CDK14: variants seen among roughly 807,000 people sequenced by gnomAD.
CDK14 encodes the protein cyclin-dependent kinase 14.
In CDK14, 34 loss-of-function variants were observed where a neutral mutation model predicts 60.7. The ratio of observed to expected loss-of-function variants is 0.56; its 90% CI spans 0.43 to 0.75. The LOEUF is 0.75. Ranked by LOEUF, CDK14 falls within the 30% of genes least tolerant of loss-of-function variation. The pLI, the probability that CDK14 is intolerant of heterozygous loss-of-function variation, is 0.00. For synonymous variants in CDK14, 197 were observed against 203.7 expected (o/e 0.97, Z 0.28); for missense variants, 482 against 564.1 (o/e 0.85, Z 1.47).
chr7:90,753,031 A>C (rs1345645409), intron 4 of CDK14, among the ~76,000 whole-genome samples: 1 of 152,198 alleles, frequency 6.6e-6, no homozygotes, highest in African/African-American at 2.4e-5. Context: ...GCCCAGGACT[A>C]GATTGTCTCA....
intron 11 of CDK14, among the ~76,000 whole-genome samples, chr7:91,047,843 C>A (rs1562881992): frequency 6.6e-6 from 1 of 152,132 alleles, no homozygotes; most frequent in African/African-American, 2.4e-5. Context: ...AAACAAATTT[C>A]CAAGTCCTTC....
At chr7:90,645,015 T>G (rs1040736890) in intron 2 of CDK14, among the ~76,000 whole-genome samples, 1 of 152,144 alleles carries the variant, frequency 6.6e-6, no homozygotes, top group Non-Finnish European at 1.5e-5. Context: ...TCTATAAAAG[T>G]AAGCTTTTTT....
At chr7:90,758,475 T>C (rs1157991649) in intron 4 of CDK14, among the ~76,000 whole-genome samples, 2 of 152,232 alleles carry the variant, frequency 1.3e-5, no homozygotes, top group African/African-American at 4.8e-5. Flanking sequence ...CATTTTAAAA[T>C]GTCTTTAATT....
At position 90,644,906 on chromosome 7, in the gene CDK14, G is replaced by A. The variant is rs115372218; in HGVS notation, c.123+40657G>A. Among the ~76,000 whole-genome samples the A allele has an allele frequency of 8.5e-3, 1,296 of 152,260 alleles. 24 individuals are homozygous for A. The highest frequency in any genetic ancestry group is 0.027 in the African/African-American group (1,133 of 41,546). On this transcript the variant is annotated intron_variant, in intron 2 of 14. Transcript: ENST00000380050. ...ATATGTTACTTCAAGAAATTCAGTCGAATTTAGCTTTTCTTTTTGCATAAA... is the reference window on the plus strand; with the variant it reads ...ATATGTTACTTCAAGAAATTCAGTCAAATTTAGCTTTTCTTTTTGCATAAA...
intron 11 of CDK14, among the ~76,000 whole-genome samples, chr7:91,067,742 C>T (rs1781433355): frequency 6.6e-6 from 1 of 152,192 alleles, no homozygotes; most frequent in South Asian, 2.1e-4. Context: ...CTTTTGTGCA[C>T]AGCTAAAATT....
At chr7:90,988,434 A>C (rs1001255102) in intron 10 of CDK14, among the ~76,000 whole-genome samples, 3 of 152,164 alleles carry the variant, frequency 2.0e-5, no homozygotes, top group Non-Finnish European at 4.4e-5. Context: ...TCTTAGGTGG[A>C]AAGAGTATTT....
intron 10 of CDK14, among the ~76,000 whole-genome samples, chr7:90,991,093 G>C (rs1439291347): frequency 6.6e-6 from 1 of 152,130 alleles, no homozygotes; most frequent in South Asian, 2.1e-4. Flanking sequence ...TAACTTAAAA[G>C]CTTCAAATTT....
At position 90,800,369 on chromosome 7, in the gene CDK14, G is replaced by A. The variant is rs141889728; in HGVS notation, c.544+9717G>A. On this transcript the variant is annotated intron_variant, in intron 5 of 14. Coordinates refer to ENST00000380050, the MANE Select transcript of CDK14 (RefSeq NM_001287135.2). ...ATTTTATGATTTAATTGTAAAATTT[G>A]TACTGTATAATTAAAATATTCTAAT... 1.9e-4 allele frequency among the ~76,000 whole-genome samples: 29 copies of A among 152,104 alleles called. No individual in the cohort carries two copies. The East Asian group carries it at 5.2e-3, about 27-fold the overall frequency.
intron 11 of CDK14, among the ~76,000 whole-genome samples, chr7:91,066,490 G>A (rs1037611231): frequency 6.6e-6 from 1 of 152,166 alleles, no homozygotes; most frequent in African/African-American, 2.4e-5. Flanking sequence ...TGTCATTGAA[G>A]TTAAAAACAC....
Position 91,119,259 on chromosome 7 carries a change from T to C in CDK14, c.*28+1051T>C, listed in dbSNP as rs1030351420. 5.3e-5 allele frequency among the ~76,000 whole-genome samples: 8 copies of C among 152,250 alleles called. No individual in the cohort carries two copies. In the South Asian group the frequency reaches 1.7e-3, roughly 32 times the overall value. On this transcript the variant is annotated intron_variant, in intron 14 of 14. Transcript: ENST00000380050. ...ACTTTGGGAGGCCGAGGCAGGCAGA[T>C]TGCTTGAGCTCAGGAGTTCGAGAAC...
chr7:91,071,201 G>A lies in CDK14; in HGVS notation c.1106-8231G>A, dbSNP rs113517418. Among the ~76,000 whole-genome samples, 1,202 of 152,308 alleles carry A rather than the reference G, an allele frequency of 7.9e-3. 19 individuals carry two copies. Among genetic ancestry groups the A allele is most frequent in the African/African-American group, 0.027 (1,138 of 41,576 alleles). ...TCAAGATCAGGGTCTTTTTCTTTAA[G>A]CAAGACAAGAAAGCCAAAAGAAAAA... On this transcript the variant is annotated intron_variant, in intron 11 of 14. Coordinates refer to ENST00000380050, the MANE Select transcript of CDK14 (RefSeq NM_001287135.2).
intron 2 of CDK14, among the ~76,000 whole-genome samples, chr7:90,622,913 C>CTT (rs928149232): frequency 7.4e-6 from 1 of 134,882 alleles, no homozygotes; most frequent in Non-Finnish European, 1.6e-5. Context: ...TGTTTTCTTT[C>CTT]TTTTTTTTTC....
At chr7:91,147,889 A>G (rs893533682) in intron 14 of CDK14, among the ~76,000 whole-genome samples, 1 of 152,196 alleles carries the variant, frequency 6.6e-6, no homozygotes, top group African/African-American at 2.4e-5. Context: ...TAGCACGTTT[A>G]ACATTAAAGT....
At chr7:90,635,340 C>T (rs1800115287) in intron 2 of CDK14, among the ~76,000 whole-genome samples, 1 of 152,178 alleles carries the variant, frequency 6.6e-6, no homozygotes, top group South Asian at 2.1e-4. Context: ...CCAGTTTCAG[C>T]TTTCTACAGA....
At chr7:90,937,242 T>C (rs1793784820) in intron 8 of CDK14, among the ~76,000 whole-genome samples, 1 of 152,220 alleles carries the variant, frequency 6.6e-6, no homozygotes, top group African/African-American at 2.4e-5. Flanking sequence ...AGGAATCACA[T>C]AGCTCAAATC....
intron 14 of CDK14, among the ~76,000 whole-genome samples, chr7:91,141,799 T>TTTGTTGTTGTTGTTG (rs10654091): frequency 6.7e-6 from 1 of 149,976 alleles, no homozygotes; most frequent in East Asian, 2.0e-4. Flanking sequence ...AACAGTGGGT[T>TTTGTTGTTGTTGTTG]TTGTTGTTGT....
intron 2 of CDK14, among the ~76,000 whole-genome samples, chr7:90,700,889 C>T (rs1406568305): frequency 6.6e-6 from 1 of 152,060 alleles, no homozygotes; most frequent in East Asian, 1.9e-4. Flanking sequence ...GTGTCTCGTT[C>T]ATCTTTATAC....
chr7:90,637,169 TCTG>T (rs1392381395), intron 2 of CDK14, among the ~76,000 whole-genome samples: 2 of 152,000 alleles, frequency 1.3e-5, no homozygotes, highest in South Asian at 4.1e-4. Context: ...TTTCTTGCCT[TCTG>T]CTAGCTTTTG....
intron 11 of CDK14, among the ~76,000 whole-genome samples, chr7:91,069,499 C>T (rs900953232): frequency 6.6e-6 from 1 of 151,992 alleles, no homozygotes; most frequent in African/African-American, 2.4e-5. Flanking sequence ...TATGATTGTG[C>T]CACTGCACTC....
Sources: allele counts gnomAD v4.1 joint callset (sites outside exome capture counted in the v4.1 genomes callset), GRCh38; gene constraint gnomAD v4.1.1; transcripts MANE v1.5; gene names NCBI Gene and HGNC (gene_info 2026-07-23, HGNC 2026-07-21).